The following NRK variants were observed in gnomAD, a reference collection of about 807,000 sequenced individuals.
NRK encodes the protein nik-related protein kinase.
In NRK, 67 loss-of-function variants were observed where a neutral mutation model predicts 125.2. The observed-to-expected ratio is 0.54, with a 90% CI of 0.44 to 0.66. The LOEUF (loss-of-function observed/expected upper bound fraction) is 0.66, where lower values mean the gene tolerates loss of function less well. NRK is among the 30% of genes least tolerant of loss of function. NRK has a pLI of 0.00. For missense variants in NRK, 1,224 were observed against 1,192.9 expected, an observed-to-expected ratio of 1.03 and a Z score of -0.38; for synonymous variants, 458 against 429.0, an observed-to-expected ratio of 1.07 and a Z score of -0.84.
At chrX:105,889,563 G>A (rs5962300) in intron 5 of NRK, among the ~76,000 whole-genome samples, 1,414 of 112,199 alleles carry the variant, frequency 0.013, 14 homozygotes, top group Non-Finnish European at 0.021. Flanking sequence ...GGTTCTCCAC[G>A]AGGACCTGGC....
At chrX:105,935,769 C>T (rs1038481152) in intron 21 of NRK, among the ~76,000 whole-genome samples, 2 of 105,061 alleles carry the variant, frequency 1.9e-5, no homozygotes, top group African/African-American at 7.0e-5. Context: ...TCAGCCCGGG[C>T]GACAGTGCAA....
chrX:105,842,291 C>T (rs1383010232), intron 2 of NRK, among the ~76,000 whole-genome samples: 2 of 111,115 alleles, frequency 1.8e-5, no homozygotes, highest in African/African-American at 6.5e-5. Context: ...TGTGGACAAG[C>T]AGATAGTCTT....
intron 1 of NRK, among the ~76,000 whole-genome samples, chrX:105,826,292 A>ATCATATATATAATAGATAATATATATT (rs2039105001): frequency 4.5e-5 from 2 of 44,336 alleles, no homozygotes; most frequent in Non-Finnish European, 6.8e-5. Flanking sequence ...AATATATATT[A>ATCATATATATAATAGATAATATATATT]TCATATATAT....
At position 105,909,773 on chromosome X, in the gene NRK, G is replaced by C. The variant is rs759995341; in HGVS notation, c.2132G>C (p.Arg711Thr). Residue 711 changes from arginine (R) to threonine (T), a missense_variant, in exon 13 of 29, where the codon AGA (arginine) becomes ACA (threonine). Arg to Thr is a moderately conservative substitution (Grantham distance 71). Coordinates refer to ENST00000243300, the MANE Select transcript of NRK (RefSeq NM_198465.4). ...PKRFRAKSSW[R>T]PEKLELSDLE... The stretch of plus-strand genomic sequence containing the variant: ...AGGTTCAGGGCAAAGTCATCATGGA[G>C]ACCTGAAAAGCTTGAACTCTCGGAT... 7.6e-6 allele frequency: 9 copies of C among 1,183,288 alleles called. No individual in the cohort carries two copies. Among genetic ancestry groups the C allele is most frequent in the Non-Finnish European group, 4.5e-6 (4 of 880,703 alleles).
chrX:105,906,864 T>A (rs895845801), intron 11 of NRK, among the ~76,000 whole-genome samples: 37 of 108,111 alleles, frequency 3.4e-4, no homozygotes, highest in Non-Finnish European at 5.9e-4. Flanking sequence ...TATGAAGACC[T>A]TGAAAGCATC....
intron 1 of NRK, among the ~76,000 whole-genome samples, chrX:105,826,272 A>T (rs1344725369): frequency 3.0e-5 from 2 of 67,643 alleles, no homozygotes; most frequent in Non-Finnish European, 4.8e-5. Context: ...TTCATATATA[A>T]TATATATGAA....
rs1471348421 is a variant in NRK, at chrX:105,895,179, A to T, written c.490-254A>T. 1.4e-5 allele frequency: 7 copies of T among 505,609 alleles called. No homozygotes were observed. In the East Asian group the frequency reaches 2.5e-4, roughly 18 times the overall value. 41.7% of individuals were successfully genotyped at this position (505,609 alleles called of 1,213,427 possible). On this transcript the variant is annotated intron_variant, in intron 6 of 28. Transcript: ENST00000243300. ...GTAAAGTGGCCCAATGTATACAAACATTACTTTTGGTGCTCTTTTTTTTCG... is the reference window on the plus strand; with the variant it reads ...GTAAAGTGGCCCAATGTATACAAACTTTACTTTTGGTGCTCTTTTTTTTCG...
chrX:105,859,095 T>G (rs1009550621), intron 2 of NRK, among the ~76,000 whole-genome samples: 2 of 111,866 alleles, frequency 1.8e-5, no homozygotes, highest in Non-Finnish European at 3.8e-5. Context: ...GTAGGTATTA[T>G]TTTCTAAATA....
chrX:105,846,249 A>C (rs1297953076), intron 2 of NRK, among the ~76,000 whole-genome samples: 1 of 111,848 alleles, frequency 8.9e-6, no homozygotes, highest in Non-Finnish European at 1.9e-5. Flanking sequence ...CGTTTGTGTC[A>C]TTTAGAGCCC....
At position 105,908,542 on chromosome X, in the gene NRK, C is replaced by G. The variant is rs757241891; in HGVS notation, c.1086-185C>G. On this transcript the variant is annotated intron_variant, in intron 12 of 28. Coordinates refer to ENST00000243300, the MANE Select transcript of NRK (RefSeq NM_198465.4). ...ATCATATTTCATTAATAATTGAATA[C>G]ATTAGTAATACAAATGTTACCTGCA... Among the ~76,000 whole-genome samples, 5 of 112,368 alleles carry G rather than the reference C, an allele frequency of 4.4e-5. No individual in the cohort carries two copies. The South Asian group carries it at 1.8e-3, about 41-fold the overall frequency.
At chrX:105,860,142 T>A (rs1349237403) in intron 2 of NRK, among the ~76,000 whole-genome samples, 1 of 111,349 alleles carries the variant, frequency 9.0e-6, no homozygotes. Flanking sequence ...ATTCCCCTTT[T>A]ACAGTTGAGA....
chrX:105,957,437 A>G lies in NRK; in HGVS notation c.*1837A>G, dbSNP rs2040991682. On this transcript the variant is annotated 3_prime_UTR_variant, in exon 29 of 29. Coordinates refer to ENST00000243300, the MANE Select transcript of NRK (RefSeq NM_198465.4). Reference sequence around the variant, plus strand: ...TGTTTTAATTTCAGAAAATTTCCTCATATACGTAGTGTGTAGAATCAAGTC... The same window carrying G: ...TGTTTTAATTTCAGAAAATTTCCTCGTATACGTAGTGTGTAGAATCAAGTC... 1 of 112,052 alleles carries G rather than the reference A, an allele frequency of 8.9e-6. No individual in the cohort carries two copies. The allele number at this position is 112,052 out of a possible 1,213,427, so 9.2% of individuals were successfully genotyped here. A position where few individuals can be genotyped will look rare whatever the true frequency, so the allele number is the denominator to read the frequency against.
chrX:105,919,002 G>GAAAA (rs57376881), intron 16 of NRK, among the ~76,000 whole-genome samples: 1 of 39,476 alleles, frequency 2.5e-5, no homozygotes, highest in Non-Finnish European at 4.8e-5. Flanking sequence ...ATGGTTTCCT[G>GAAAA]AAAAAAAAAA....
At chrX:105,882,400 C>A (rs1187495911) in intron 4 of NRK, among the ~76,000 whole-genome samples, 1 of 110,935 alleles carries the variant, frequency 9.0e-6, no homozygotes, top group Admixed American at 9.6e-5. Context: ...ACCTTCAGAG[C>A]AGTTTTTCTG....
intron 18 of NRK, 27 bp from the exon 19 acceptor site, chrX:105,924,668 C>CT (rs1382837645): frequency 8.8e-7 from 1 of 1,136,588 alleles, no homozygotes; most frequent in African/African-American, 1.8e-5. Context: ...GCGTGACTTT[C>CT]TTTCATTAAT....
At chrX:105,823,010 C>G (rs2039042700) in intron 1 of NRK, 108 bp downstream of exon 1, 1 of 719,430 alleles carries the variant, frequency 1.4e-6, no homozygotes, top group African/African-American at 2.2e-5. Context: ...AGGACTTCGA[C>G]GGGTCCCCCG....
Position 105,893,905 on chromosome X carries a change from A to G in NRK, c.452A>G (p.Glu151Gly). The change falls in exon 6 of 29, where the codon GAA (glutamate) becomes GGA (glycine). Residue 151 changes from glutamate to glycine, a missense_variant. Coordinates refer to ENST00000243300, the MANE Select transcript of NRK (RefSeq NM_198465.4). ...VRMTSNQSLK[E>G]DWIAYICREI... ...ATGACCAGTAATCAGAGTTTAAAAG[A>G]AGATTGGATTGCTTATATCTGCCGA... 1.7e-6 allele frequency: 2 copies of G among 1,179,539 alleles called. No individual in the cohort carries two copies. Among genetic ancestry groups the G allele is most frequent in the Non-Finnish European group, 2.3e-6 (2 of 866,673 alleles).
intron 9 of NRK, among the ~76,000 whole-genome samples, chrX:105,902,306 G>C (rs915649797): frequency 6.9e-4 from 77 of 111,281 alleles, no homozygotes; most frequent in African/African-American, 2.4e-3. Context: ...AGTAATTGGA[G>C]TAATACAACT....
chrX:105,862,379 TA>T (rs2039614356), intron 2 of NRK, among the ~76,000 whole-genome samples: 1 of 110,689 alleles, frequency 9.0e-6, no homozygotes, highest in Non-Finnish European at 1.9e-5. Context: ...AGATGAAATC[TA>T]AGAATTTTTT....
Sources: gnomAD v4.1 joint callset for allele counts (sites outside exome capture counted in the v4.1 genomes callset) on GRCh38, gnomAD v4.1.1 for gene constraint, MANE v1.5 for transcripts, NCBI Gene and HGNC (gene_info 2026-07-23, HGNC 2026-07-21) for gene names.